PSAPL1: variants seen among roughly 807,000 people sequenced by gnomAD.
PSAPL1 encodes proactivator polypeptide-like 1.
For synonymous variants in PSAPL1, 351 were observed against 291.6 expected (o/e 1.20, Z -2.08); for missense variants, 814 against 688.8 (o/e 1.18, Z -2.03).
rs969794392 is a variant in PSAPL1, at chr4:7,433,636, G to T, written c.1244C>A (p.Thr415Asn). 8.7e-6 allele frequency: 14 copies of T among 1,610,682 alleles called. No homozygotes were observed. The highest frequency in any genetic ancestry group is 6.7e-5 in the Admixed American group (4 of 59,758). The change falls in exon 1 of 1, where the codon ACC (threonine) becomes AAC (asparagine). Residue 415 changes from threonine to asparagine, a missense_variant. Transcript: ENST00000319098. ...VSSHNLESKS[T>N]KRDILVAFKG... ...GAAGGCCACCAGGATGTCTCGCTTG[G>T]TGCTCTTGCTCTCCAAGTTGTGGGA... is the stretch of plus-strand genomic sequence containing the variant.
Position 7,434,503 on chromosome 4 carries a change from G to A in PSAPL1, c.377C>T (p.Pro126Leu), listed in dbSNP as rs773421988. ...SAILSMLRGA[P>L]DSAPAQVCTA... ...GCACACCTGTGCCGGGGCACTGTCC[G>A]GGGCCCCACGGAGCATGCTCAGGAT... Residue 126 changes from proline to leucine, a missense_variant, in exon 1 of 1, where the codon CCG (proline) becomes CTG (leucine). Physicochemically the swap from Pro to Leu is moderately conservative, Grantham distance 98. Coordinates refer to ENST00000319098, the MANE Select transcript of PSAPL1 (RefSeq NM_001085382.2). The A allele has an allele frequency of 7.4e-6, 12 of 1,612,108 alleles. No individual in the cohort carries two copies. The highest frequency in any genetic ancestry group is 1.3e-5 in the African/African-American group (1 of 74,926).
chr4:7,433,931 T>C lies in PSAPL1; in HGVS notation c.949A>G (p.Ile317Val), dbSNP rs1226124050. 5 of 1,613,636 alleles carry C rather than the reference T, an allele frequency of 3.1e-6. No homozygotes were observed. The highest frequency in any genetic ancestry group is 1.1e-5 in the South Asian group (1 of 91,072). Residue 317 changes from isoleucine to valine, a missense_variant, in exon 1 of 1, where the codon ATC becomes GTC. Transcript: ENST00000319098. ...CACACGCGCTCCAGGGCATGGGTGA[T>C]CATGAGCTCAGAGCTGTTGGACATG... ...WLMSNSSELM[I>V]THALERVCSV...
chr4:7,434,823 G>A lies in PSAPL1; in HGVS notation c.57C>T (p.Pro19=), dbSNP rs1353124244. 1.2e-6 allele frequency: 2 copies of A among 1,601,896 alleles called. No individual in the cohort carries two copies. Among genetic ancestry groups the A allele is most frequent in the Middle Eastern group, 1.7e-4 (1 of 6,036 alleles). ...TTGCACACTCCTGGGGGCCTGAGGT[G>A]GGGCTGGCCCTGGTGGCCCCCAGGA... ...PSLLGATRAS[P]TSGPQECAKG... The change falls in exon 1 of 1, where the codon CCC becomes CCT. Residue 19 remains proline, a synonymous_variant. Transcript: ENST00000319098.
chr4:7,433,290 G>A lies in PSAPL1; in HGVS notation c.*24C>T. Reference sequence around the variant, plus strand: ...CCCACCTCATGGGCCTCGCTAGCAGGCTCTGGGTCTCTGGCAGCCACGGTC... The same window carrying A: ...CCCACCTCATGGGCCTCGCTAGCAGACTCTGGGTCTCTGGCAGCCACGGTC... On this transcript the variant is annotated 3_prime_UTR_variant, in exon 1 of 1. Transcript: ENST00000319098. 1 of 1,368,908 alleles carries A rather than the reference G, an allele frequency of 7.3e-7. No individual in the cohort carries two copies. Among genetic ancestry groups the A allele is most frequent in the Non-Finnish European group, 9.4e-7 (1 of 1,059,126 alleles). The allele number at this position is 1,368,908 out of a possible 1,614,324, so 84.8% of individuals were successfully genotyped here. A position where few individuals can be genotyped will look rare whatever the true frequency, so the allele number is the denominator to read the frequency against.
In PSAPL1 at chr4:7,434,565, G is replaced by A. The variant is rs771618014; in HGVS notation, c.315C>T (p.Ala105=). The change falls in exon 1 of 1, where the codon GCC becomes GCT. Residue 105 remains alanine (A), a synonymous_variant. Transcript: ENST00000319098. The part of the protein sequence containing the change: ...CEWLPSQESS[A]GCKWMVDAHS... ...GGGCATCCACCATCCACTTGCATCC[G>A]GCTGAAGACTCCTGGCTGGGGAGCC... 16 of 1,613,334 alleles carry A rather than the reference G, an allele frequency of 9.9e-6. No homozygotes were observed. The highest frequency in any genetic ancestry group is 1.6e-4 in the Middle Eastern group (1 of 6,082).
In PSAPL1 at chr4:7,431,283, A is replaced by C. The variant is rs1726832101; in HGVS notation, c.*2031T>G. 1 of 152,034 alleles carries C rather than the reference A, an allele frequency of 6.6e-6. No homozygotes were observed. Among genetic ancestry groups the C allele is most frequent in the African/African-American group, 2.4e-5 (1 of 41,334 alleles). The allele number at this position is 152,034 out of a possible 1,614,324, so 9.4% of individuals were successfully genotyped here. The stretch of plus-strand genomic sequence containing the variant: ...GGTGGGTAGGGAAGAGGGTGTGGGG[A>C]CACCCCACCCTGACCACCCACTGCA... On this transcript the variant is annotated 3_prime_UTR_variant, in exon 1 of 1. Transcript: ENST00000319098.
rs779467471 is a variant in PSAPL1 at position 7,434,154 on chromosome 4, G to T, written c.726C>A (p.Leu242=). 16 of 1,613,872 alleles carry T rather than the reference G, an allele frequency of 9.9e-6. No homozygotes were observed. The highest frequency in any genetic ancestry group is 1.2e-5 in the Non-Finnish European group (14 of 1,179,908). ...CCTTCCTGCAGAGCTCCTGCGGGGG[G>T]AGAAGCCTCAGTGCTTGGTCAGCAG... The part of the protein sequence containing the change: ...FVPADQALRL[L]PPQELCRKGG... The change falls in exon 1 of 1, where the codon CTC becomes CTA. Residue 242 remains leucine (L), a synonymous_variant. Coordinates refer to ENST00000319098, the MANE Select transcript of PSAPL1 (RefSeq NM_001085382.2).
chr4:7,434,311 T>A lies in PSAPL1; in HGVS notation c.569A>T (p.Gln190Leu), dbSNP rs767917465. Residue 190 changes from glutamine (Q) to leucine (L), a missense_variant, in exon 1 of 1, where the codon CAG becomes CTG. Transcript: ENST00000319098. The part of the protein sequence containing the change: ...EGALCQDCVR[Q>L]VSRLQEAVRS... ...GACAGCCTCCTGGAGTCGGGAGACC[T>A]GCCGTACACAGTCTTGGCACAGAGC... 6.2e-7 allele frequency: 1 copy of A among 1,611,802 alleles called. No homozygotes were observed. Among genetic ancestry groups the A allele is most frequent in the Admixed American group, 1.7e-5 (1 of 59,752 alleles).
rs1170757620 is a variant in PSAPL1 at position 7,433,718 on chromosome 4, C to G, written c.1162G>C (p.Asp388His). The G allele has an allele frequency of 1.2e-6, 2 of 1,613,104 alleles. No individual in the cohort carries two copies. Among genetic ancestry groups the G allele is most frequent in the Non-Finnish European group, 1.7e-6 (2 of 1,179,728 alleles). The change falls in exon 1 of 1, where the codon GAC (aspartate) becomes CAC (histidine). Residue 388 changes from aspartate to histidine, a missense_variant. Transcript: ENST00000319098. ...CAGAAGCTGCCCTGGTTCTCCGCGT[C>G]CCACTCTGGGGACGGCACGATGGCA... ...AYAIVPSPEW[D>H]AENQGSFCNG...
rs769127739 is a variant in PSAPL1, at chr4:7,434,116, T to G, written c.764A>C (p.Glu255Ala). ...QELCRKGGFC[E>A]ELGAPARLTQ... Reference sequence around the variant, plus strand: ...CAAACGGGCAGGTGCCCCTAGCTCCTCACAGAATCCCCCCTTCCTGCAGAG... The same window carrying G: ...CAAACGGGCAGGTGCCCCTAGCTCCGCACAGAATCCCCCCTTCCTGCAGAG... Residue 255 changes from glutamate (E) to alanine (A), a missense_variant, in exon 1 of 1, where the codon GAG becomes GCG. Coordinates refer to ENST00000319098, the MANE Select transcript of PSAPL1 (RefSeq NM_001085382.2). 1 of 1,612,756 alleles carries G rather than the reference T, an allele frequency of 6.2e-7. No homozygotes were observed. The highest frequency in any genetic ancestry group is 1.7e-5 in the Admixed American group (1 of 59,972).
chr4:7,433,964 G>A lies in PSAPL1; in HGVS notation c.916C>T (p.His306Tyr), dbSNP rs1291495624. 3.7e-6 allele frequency: 6 copies of A among 1,613,800 alleles called. No homozygotes were observed. Among genetic ancestry groups the A allele is most frequent in the Non-Finnish European group, 5.1e-6 (6 of 1,179,872 alleles). Reference sequence around the variant, plus strand: ...TCAGAGCTGTTGGACATGAGCCAGTGGTCCAGCTTCTGCACCACGTTCATG... The same window carrying A: ...TCAGAGCTGTTGGACATGAGCCAGTAGTCCAGCTTCTGCACCACGTTCATG... ...VCMNVVQKLD[H>Y]WLMSNSSELM... Residue 306 changes from histidine (H) to tyrosine (Y), a missense_variant, in exon 1 of 1, where the codon CAC becomes TAC. By Grantham distance (83) the His-to-Tyr change is moderately conservative. Coordinates refer to ENST00000319098, the MANE Select transcript of PSAPL1 (RefSeq NM_001085382.2).
chr4:7,433,837 A>C lies in PSAPL1; in HGVS notation c.1043T>G (p.Val348Gly). ...ILVDTYSPSL[V>G]QLVAKITPEK... ...TGGGGTGATTTTGGCCACAAGCTGC[A>C]CCAAGGAGGGGCTGTAGGTGTCCAC... Residue 348 changes from valine (V) to glycine (G), a missense_variant, in exon 1 of 1, where the codon GTG becomes GGG. Transcript: ENST00000319098. The C allele has an allele frequency of 1.2e-6, 2 of 1,613,864 alleles. No homozygotes were observed. The highest frequency in any genetic ancestry group is 1.7e-6 in the Non-Finnish European group (2 of 1,179,888).
Position 7,434,003 on chromosome 4 carries a change from T to G in PSAPL1, c.877A>C (p.Thr293Pro), listed in dbSNP as rs1246297846. The G allele has an allele frequency of 1.9e-6, 3 of 1,612,942 alleles. No individual in the cohort carries two copies. The African/African-American group carries it at 4.0e-5, about 22-fold the overall frequency. Residue 293 changes from threonine (T) to proline (P), a missense_variant, in exon 1 of 1, where the codon ACC (threonine) becomes CCC (proline). By Grantham distance (38) the Thr-to-Pro change is conservative (BLOSUM62 -1). Coordinates refer to ENST00000319098, the MANE Select transcript of PSAPL1 (RefSeq NM_001085382.2). ...QSEMQMKAGV[T>P]CEVCMNVVQK... ...ACCACGTTCATGCACACCTCACAGGTCACACCGGCCTTCATCTGCATCTCG... is the reference window on the plus strand; with the variant it reads ...ACCACGTTCATGCACACCTCACAGGGCACACCGGCCTTCATCTGCATCTCG...
Position 7,434,171 on chromosome 4 carries a change from G to T in PSAPL1, c.709C>A (p.Gln237Lys), listed in dbSNP as rs773227099. The change falls in exon 1 of 1, where the codon CAA (glutamine) becomes AAA (lysine). Residue 237 changes from glutamine (Q) to lysine (K), a missense_variant. Transcript: ENST00000319098. ...YLFQFFVPAD[Q>K]ALRLLPPQEL... ...TGCGGGGGGAGAAGCCTCAGTGCTTGGTCAGCAGGGACAAAAAACTGGAAG... is the reference window on the plus strand; with the variant it reads ...TGCGGGGGGAGAAGCCTCAGTGCTTTGTCAGCAGGGACAAAAAACTGGAAG... 5.0e-6 allele frequency: 8 copies of T among 1,613,828 alleles called. No homozygotes were observed. In the South Asian group the frequency reaches 6.6e-5, roughly 13 times the overall value.
At position 7,434,455 on chromosome 4, in the gene PSAPL1, G is replaced by A. The variant is rs201776267; in HGVS notation, c.425C>T (p.Pro142Leu). The A allele has an allele frequency of 8.0e-5, 129 of 1,610,674 alleles. No individual in the cohort carries two copies. In the African/African-American group the frequency reaches 1.4e-3, roughly 18 times the overall value. The change falls in exon 1 of 1, where the codon CCG becomes CTG. Residue 142 changes from proline (P) to leucine (L), a missense_variant. By Grantham distance (98) the Pro-to-Leu change is moderately conservative. Transcript: ENST00000319098. ...QVCTALSLCE[P>L]LQRHLATLRP... ...CAGGGTGGCCAGGTGCCTCTGCAGCGGCTCACAGAGGCTGAGCGCTGTGCA... is the reference window on the plus strand; with the variant it reads ...CAGGGTGGCCAGGTGCCTCTGCAGCAGCTCACAGAGGCTGAGCGCTGTGCA...
rs199742033 is a variant in PSAPL1 at position 7,434,241 on chromosome 4, A to G, written c.639T>C (p.Cys213=). The change falls in exon 1 of 1, where the codon TGT becomes TGC. Residue 213 remains cysteine, a synonymous_variant. Transcript: ENST00000319098. ...CGGCCAGGCCAGGCCCCAAGGACTC[A>G]CACTGCTCCTGGATGTTCAAGTCGG... The part of the protein sequence containing the change: ...TLADLNIQEQ[C]ESLGPGLAVL... The G allele has an allele frequency of 1.5e-5, 24 of 1,613,464 alleles. No individual in the cohort carries two copies. Among genetic ancestry groups the G allele is most frequent in the Middle Eastern group, 3.3e-4 (2 of 6,084 alleles).
At position 7,433,918 on chromosome 4, in the gene PSAPL1, A is replaced by T; in HGVS notation, c.962T>A (p.Leu321Gln). ...AGGCATTACCGAGCACACGCGCTCC[A>T]GGGCATGGGTGATCATGAGCTCAGA... ...NSSELMITHA[L>Q]ERVCSVMPAS... Residue 321 changes from leucine (L) to glutamine (Q), a missense_variant, in exon 1 of 1, where the codon CTG becomes CAG. Transcript: ENST00000319098. 6.2e-7 allele frequency: 1 copy of T among 1,613,846 alleles called. No homozygotes were observed. Among genetic ancestry groups the T allele is most frequent in the East Asian group, 2.2e-5 (1 of 44,882 alleles).
rs1274267485 is a variant in PSAPL1, at chr4:7,434,151, G to A, written c.729C>T (p.Pro243=). Residue 243 remains proline, a synonymous_variant, in exon 1 of 1, where the codon CCC becomes CCT. Transcript: ENST00000319098. ...VPADQALRLL[P]PQELCRKGGF... ...CCCCCTTCCTGCAGAGCTCCTGCGG[G>A]GGGAGAAGCCTCAGTGCTTGGTCAG... 6.2e-7 allele frequency: 1 copy of A among 1,613,930 alleles called. No individual in the cohort carries two copies. The highest frequency in any genetic ancestry group is 8.5e-7 in the Non-Finnish European group (1 of 1,179,886).
rs755875097 is a variant in PSAPL1, at chr4:7,433,833, C to T, written c.1047G>A (p.Gln349=). The T allele has an allele frequency of 1.2e-5, 19 of 1,613,692 alleles. No homozygotes were observed. The highest frequency in any genetic ancestry group is 1.5e-5 in the Non-Finnish European group (18 of 1,179,850). The change falls in exon 1 of 1, where the codon CAG becomes CAA. Residue 349 remains glutamine, a synonymous_variant. Transcript: ENST00000319098. ...LVDTYSPSLV[Q]LVAKITPEKV... is the part of the protein sequence containing the mutation. ...TCTCTGGGGTGATTTTGGCCACAAGCTGCACCAAGGAGGGGCTGTAGGTGT... is the reference window on the plus strand; with the variant it reads ...TCTCTGGGGTGATTTTGGCCACAAGTTGCACCAAGGAGGGGCTGTAGGTGT...
Sources: gnomAD v4.1 joint callset for allele counts on GRCh38, gnomAD v4.1.1 for gene constraint, MANE v1.5 for transcripts, NCBI Gene and HGNC (gene_info 2026-07-23, HGNC 2026-07-21) for gene names.